PAFAH2: variants seen among roughly 807,000 people sequenced by gnomAD.
PAFAH2 encodes the protein platelet activating factor acetylhydrolase 2, also known as platelet-activating factor acetylhydrolase 2, cytoplasmic.
A neutral mutation model predicts 49.0 loss-of-function variants in PAFAH2; 42 were observed. The ratio of observed to expected loss-of-function variants is 0.86; its 90% CI spans 0.67 to 1.11. PAFAH2 has a LOEUF of 1.11. Among genes scored for constraint, PAFAH2 ranks in the 50% least tolerant of loss-of-function variants. PAFAH2 has a pLI of 0.00. For synonymous variants in PAFAH2, 184 were observed against 181.3 expected, an observed-to-expected ratio of 1.01 and a Z score of -0.12; for missense variants, 503 against 501.8, an observed-to-expected ratio of 1.00 and a Z score of -0.02.
intron 8 of PAFAH2, among the ~76,000 whole-genome samples, chr1:25,976,047 G>A (rs1419886636): frequency 6.6e-6 from 1 of 152,052 alleles, no homozygotes. Flanking sequence ...AGCTATTCCT[G>A]CTGGCTGGAA....
intron 10 of PAFAH2, among the ~76,000 whole-genome samples, chr1:25,970,405 G>A (rs1026694484): frequency 1.3e-5 from 2 of 152,192 alleles, no homozygotes; most frequent in African/African-American, 4.8e-5. Flanking sequence ...TTGAACCCAG[G>A]AGGTTGAGGT....
intron 10 of PAFAH2, among the ~76,000 whole-genome samples, chr1:25,963,412 G>T (rs767635330): frequency 1.3e-5 from 2 of 152,062 alleles, no homozygotes; most frequent in Non-Finnish European, 2.9e-5. Context: ...AAGGGGAGAG[G>T]TGCCATGGAA....
At chr1:25,966,948 C>T (rs1007645777) in intron 10 of PAFAH2, among the ~76,000 whole-genome samples, 1 of 146,874 alleles carries the variant, frequency 6.8e-6, no homozygotes, top group East Asian at 2.1e-4. Context: ...AGGAGAATGG[C>T]GTGAACCTGG....
intron 1 of PAFAH2, among the ~76,000 whole-genome samples, chr1:25,991,989 C>T (rs557787439): frequency 6.6e-6 from 1 of 152,318 alleles, no homozygotes; most frequent in African/African-American, 2.4e-5. Flanking sequence ...CAGTGGCAAA[C>T]CCATCTCTGC....
At chr1:25,989,140 T>C (rs1013674645) in intron 3 of PAFAH2, among the ~76,000 whole-genome samples, 40 of 152,308 alleles carry the variant, frequency 2.6e-4, no homozygotes, top group Middle Eastern at 6.8e-3. Context: ...AGCACCGCAT[T>C]AGAGGCTTTA....
At chr1:25,988,008 G>A (rs2049808932) in intron 4 of PAFAH2, among the ~76,000 whole-genome samples, 1 of 152,206 alleles carries the variant, frequency 6.6e-6, no homozygotes, top group Admixed American at 6.5e-5. Flanking sequence ...TGGACCATGA[G>A]AAGTAAAGCA....
At chr1:25,964,570 A>G (rs2049392626) in intron 10 of PAFAH2, among the ~76,000 whole-genome samples, 2 of 152,164 alleles carry the variant, frequency 1.3e-5, no homozygotes. Flanking sequence ...ACAAACAAAA[A>G]TATCAGTAGC....
At chr1:25,984,845 C>CTTTTTTTTTTTTTT in intron 4 of PAFAH2, among the ~76,000 whole-genome samples, 1 of 104,284 alleles carries the variant, frequency 9.6e-6, no homozygotes, top group Non-Finnish European at 1.8e-5. Flanking sequence ...AGAGAGATTT[C>CTTTTTTTTTTTTTT]TTTTTTTTTT....
intron 6 of PAFAH2, among the ~76,000 whole-genome samples, chr1:25,983,137 C>A (rs1006467492): frequency 1.3e-5 from 2 of 152,160 alleles, no homozygotes; most frequent in East Asian, 3.9e-4. Context: ...ACACCTATAT[C>A]TCCAGCACTT....
chr1:25,961,210 A>G lies in PAFAH2; in HGVS notation c.*779T>C, dbSNP rs925080461. 1.3e-5 allele frequency: 2 copies of G among 152,212 alleles called. No individual in the cohort carries two copies. Among genetic ancestry groups the G allele is most frequent in the Non-Finnish European group, 2.9e-5 (2 of 68,054 alleles). 9.4% of individuals were successfully genotyped at this position (152,212 alleles called of 1,614,324 possible). ...GTGGCAAAGGCCTGTGCAAATGGCC[A>G]TTTAACACTGTTGTTCTGTCATCTT... On this transcript the variant is annotated 3_prime_UTR_variant, in exon 11 of 11. Coordinates refer to ENST00000374282, the MANE Select transcript of PAFAH2 (RefSeq NM_000437.4).
chr1:25,983,564 A>G (rs2049728191), intron 6 of PAFAH2, among the ~76,000 whole-genome samples: 1 of 151,188 alleles, frequency 6.6e-6, no homozygotes. Context: ...CTCAAAAACA[A>G]AAAAAAAAAC....
At chr1:25,974,769 G>C (rs550319170) in intron 8 of PAFAH2, 119 bp from the exon 9 acceptor site, 5 of 889,636 alleles carry the variant, frequency 5.6e-6, no homozygotes, top group African/African-American at 1.7e-5. Context: ...AAAGCCAGGA[G>C]GGGGGTACCA....
At chr1:25,964,699 A>G (rs1454589794) in intron 10 of PAFAH2, among the ~76,000 whole-genome samples, 1 of 152,224 alleles carries the variant, frequency 6.6e-6, no homozygotes, top group Non-Finnish European at 1.5e-5. Flanking sequence ...CTAGGAATAC[A>G]TTTAACCAAG....
intron 8 of PAFAH2, 132 bp from the exon 9 acceptor site, chr1:25,974,782 G>A: frequency 1.4e-6 from 1 of 692,372 alleles, no homozygotes; most frequent in African/African-American, 1.8e-5. Flanking sequence ...GGGTACCAGG[G>A]CCCACGGCCT....
chr1:25,978,055 G>A (rs1572351403), intron 7 of PAFAH2, among the ~76,000 whole-genome samples: 1 of 152,130 alleles, frequency 6.6e-6, no homozygotes, highest in East Asian at 1.9e-4. Flanking sequence ...AAGGGGCTCT[G>A]GAGGCCTCTC....
intron 7 of PAFAH2, among the ~76,000 whole-genome samples, chr1:25,981,152 C>T (rs1381682142): frequency 6.6e-6 from 1 of 151,934 alleles, no homozygotes; most frequent in Admixed American, 6.6e-5. Context: ...TAAGAAGATA[C>T]TCATACTGTC....
At chr1:25,964,349 A>C (rs752968016) in intron 10 of PAFAH2, 12 of 152,286 alleles carry the variant, frequency 7.9e-5, no homozygotes, top group Non-Finnish European at 1.3e-4. Context: ...AAAATAATAA[A>C]TAAATAAATA....
At chr1:25,964,887 C>T (rs115512442) in intron 10 of PAFAH2, among the ~76,000 whole-genome samples, 29 of 152,184 alleles carry the variant, frequency 1.9e-4, no homozygotes, top group African/African-American at 5.1e-4. Context: ...AAACTACCAA[C>T]GCCATTTTTT....
intron 4 of PAFAH2, 68 bp from the exon 5 acceptor site, chr1:25,984,596 C>A: frequency 1.6e-6 from 2 of 1,230,546 alleles, no homozygotes; most frequent in Admixed American, 1.7e-5. Context: ...CTCATTCCAA[C>A]AATGCTCTGC....
Sources: allele counts gnomAD v4.1 joint callset (sites outside exome capture counted in the v4.1 genomes callset), GRCh38; gene constraint gnomAD v4.1.1; transcripts MANE v1.5; gene names NCBI Gene and HGNC (gene_info 2026-07-23, HGNC 2026-07-21).